Variants in PDE7B observed in about 807,000 individuals in gnomAD.
PDE7B encodes the protein 3',5'-cyclic-AMP phosphodiesterase 7B.
A neutral mutation model predicts 56.2 loss-of-function variants in PDE7B; 29 were observed. The ratio of observed to expected loss-of-function variants is 0.52; its 90% confidence interval spans 0.38 to 0.70. The LOEUF (loss-of-function observed/expected upper bound fraction) is 0.70, where lower values mean the gene tolerates loss of function less well. PDE7B is among the 30% of genes least tolerant of loss of function. The probability of loss-of-function intolerance (pLI) is 0.00; values close to 1 mark genes in which losing one functional copy is unlikely to be tolerated. For synonymous variants in PDE7B, 197 were observed against 196.9 expected, an observed-to-expected ratio of 1.00 and a Z score of 0.00; for missense variants, 490 against 565.0, an observed-to-expected ratio of 0.87 and a Z score of 1.35.
chr6:135,947,632 G>A (rs1043624044), intron 2 of PDE7B, 108 bp downstream of exon 2: 1 of 774,310 alleles, frequency 1.3e-6, no homozygotes, highest in Non-Finnish European at 2.3e-6. Context: ...GAGGCTGATA[G>A]GTTCTTTTGT....
At chr6:136,060,320 C>T (rs1776815617) in intron 2 of PDE7B, among the ~76,000 whole-genome samples, 1 of 152,110 alleles carries the variant, frequency 6.6e-6, no homozygotes, top group Non-Finnish European at 1.5e-5. Context: ...TCTCCTTGTA[C>T]TTTCTCTTCC....
At chr6:135,913,488 T>C (rs918086616) in intron 1 of PDE7B, among the ~76,000 whole-genome samples, 35 of 152,160 alleles carry the variant, frequency 2.3e-4, no homozygotes, top group Non-Finnish European at 2.9e-4. Flanking sequence ...CTTTAGTGCA[T>C]AACACCTATG....
At chr6:135,882,567 C>T (rs1775629085) in intron 1 of PDE7B, among the ~76,000 whole-genome samples, 2 of 152,168 alleles carry the variant, frequency 1.3e-5, no homozygotes, top group Non-Finnish European at 2.9e-5. Flanking sequence ...ATACACTTCA[C>T]AGACTGAACA....
intron 2 of PDE7B, among the ~76,000 whole-genome samples, chr6:136,064,131 T>A (rs1774125883): frequency 6.6e-6 from 1 of 152,204 alleles, no homozygotes. Context: ...AGCTTTTTAC[T>A]CTGGGATTTG....
intron 2 of PDE7B, among the ~76,000 whole-genome samples, chr6:136,075,477 T>C (rs1390599386): frequency 6.6e-6 from 1 of 152,152 alleles, no homozygotes; most frequent in Admixed American, 6.5e-5. Flanking sequence ...AATATGATGC[T>C]CCTCAGTCTC....
intron 2 of PDE7B, among the ~76,000 whole-genome samples, chr6:135,954,774 T>C (rs939946464): frequency 4.6e-5 from 7 of 152,196 alleles, no homozygotes; most frequent in African/African-American, 1.7e-4. Context: ...TTCCACATTA[T>C]CCTACTGCCT....
intron 1 of PDE7B, among the ~76,000 whole-genome samples, chr6:135,939,797 T>C (rs927328099): frequency 6.6e-6 from 1 of 152,186 alleles, no homozygotes; most frequent in Non-Finnish European, 1.5e-5. Flanking sequence ...ATAGCCATTC[T>C]ATAAGATAAT....
chr6:135,876,800 A>G (rs2128187850), intron 1 of PDE7B, among the ~76,000 whole-genome samples: 1 of 152,258 alleles, frequency 6.6e-6, no homozygotes, highest in African/African-American at 2.4e-5. Flanking sequence ...CGGAGGTTGC[A>G]GTGAGCTGAG....
intron 2 of PDE7B, among the ~76,000 whole-genome samples, chr6:136,064,870 C>T (rs1776907160): frequency 1.3e-5 from 2 of 152,138 alleles, no homozygotes; most frequent in Non-Finnish European, 1.5e-5. Flanking sequence ...TGTAAGCCCC[C>T]CAAGAGCAGA....
At chr6:135,899,157 C>G (rs1214164184) in intron 1 of PDE7B, among the ~76,000 whole-genome samples, 1 of 152,044 alleles carries the variant, frequency 6.6e-6, no homozygotes, top group Non-Finnish European at 1.5e-5. Context: ...TGAGGCCTCC[C>G]CAGCTATGTG....
chr6:136,021,493 A>T (rs1193059230), intron 2 of PDE7B, among the ~76,000 whole-genome samples: 1 of 151,862 alleles, frequency 6.6e-6, no homozygotes, highest in Non-Finnish European at 1.5e-5. Context: ...AAAAATACAA[A>T]ACTGTCTGGG....
chr6:135,889,038 A>G (rs534324281), intron 1 of PDE7B, among the ~76,000 whole-genome samples: 66 of 152,256 alleles, frequency 4.3e-4, no homozygotes, highest in Middle Eastern at 3.4e-3. Flanking sequence ...TTCAGTTCTA[A>G]AGTTTGCCTA....
intron 1 of PDE7B, among the ~76,000 whole-genome samples, chr6:135,875,567 A>G (rs1775476592): frequency 6.6e-6 from 1 of 152,132 alleles, no homozygotes; most frequent in African/African-American, 2.4e-5. Flanking sequence ...ACCCTGAACT[A>G]TTATCTTTTT....
chr6:135,875,544 A>T lies in PDE7B; in HGVS notation c.21+23525A>T, dbSNP rs368534158. Reference sequence around the variant, plus strand: ...TTATTGTTATATATATCTGAGCTCTACTTTGTTTTGAAACCCTGAACTATT... The same window carrying T: ...TTATTGTTATATATATCTGAGCTCTTCTTTGTTTTGAAACCCTGAACTATT... On this transcript the variant is annotated intron_variant, in intron 1 of 12. Transcript: ENST00000308191. Among the ~76,000 whole-genome samples the T allele has an allele frequency of 2.0e-5, 3 of 152,290 alleles. No individual in the cohort carries two copies. The East Asian group carries it at 5.8e-4, about 29-fold the overall frequency.
chr6:135,980,235 C>T (rs1188512540), intron 2 of PDE7B, among the ~76,000 whole-genome samples: 1 of 152,182 alleles, frequency 6.6e-6, no homozygotes, highest in African/African-American at 2.4e-5. Flanking sequence ...ACTGGCTAGC[C>T]ATATGTAGGA....
intron 2 of PDE7B, among the ~76,000 whole-genome samples, chr6:136,089,091 A>T (rs548059961): frequency 6.6e-6 from 1 of 152,206 alleles, no homozygotes; most frequent in Admixed American, 6.5e-5. Flanking sequence ...TCAGTACCTC[A>T]TTTTCTATTA....
chr6:136,099,954 G>C (rs151236373), intron 2 of PDE7B, among the ~76,000 whole-genome samples: 300 of 152,252 alleles, frequency 2.0e-3, no homozygotes, highest in Middle Eastern at 6.8e-3. Flanking sequence ...TTTTGTATAA[G>C]GTATAAGGAA....
intron 5 of PDE7B, 150 bp downstream of exon 5, chr6:136,149,300 T>C (rs1778472770): frequency 9.6e-6 from 6 of 625,924 alleles, no homozygotes; most frequent in Non-Finnish European, 1.7e-5. Context: ...AGGACCGGGG[T>C]AAGGGAAAAT....
At chr6:135,874,422 G>C (rs1775451580) in intron 1 of PDE7B, among the ~76,000 whole-genome samples, 1 of 152,090 alleles carries the variant, frequency 6.6e-6, no homozygotes, top group Non-Finnish European at 1.5e-5. Context: ...CTTTGAAAGA[G>C]GGTATATTCA....
Sources: gnomAD v4.1 joint callset for allele counts (sites outside exome capture counted in the v4.1 genomes callset) on GRCh38, gnomAD v4.1.1 for gene constraint, MANE v1.5 for transcripts, NCBI Gene and HGNC (gene_info 2026-07-23, HGNC 2026-07-21) for gene names.